MAPKAPK3: variants seen among roughly 807,000 people sequenced by gnomAD.
MAPKAPK3 encodes MAPK activated protein kinase 3.
MAPKAPK3 carries 35 observed loss-of-function variants against 49.2 expected under a neutral mutation model. The ratio of observed to expected loss-of-function variants is 0.71; its 90% CI spans 0.54 to 0.94. The LOEUF is 0.94. MAPKAPK3 is among the 40% of genes least tolerant of loss of function. The pLI, the probability that MAPKAPK3 is intolerant of heterozygous loss-of-function variation, is 0.00. For missense variants in MAPKAPK3, 398 were observed against 493.1 expected (o/e 0.81, Z 1.83); for synonymous variants, 178 against 188.7 (o/e 0.94, Z 0.46).
chr3:50,624,863 C>T (rs539839356), intron 2 of MAPKAPK3, among the ~76,000 whole-genome samples: 5 of 152,278 alleles, frequency 3.3e-5, no homozygotes, highest in Admixed American at 2.0e-4. Context: ...GTGCACAAAG[C>T]GCTTCCTGGA....
chr3:50,646,172 C>T lies in MAPKAPK3; in HGVS notation c.737C>T (p.Thr246Met), dbSNP rs746597729. 8.1e-6 allele frequency: 13 copies of T among 1,614,032 alleles called. No homozygotes were observed. Among genetic ancestry groups the T allele is most frequent in the South Asian group, 2.2e-5 (2 of 91,082 alleles). ...LCGFPPFYSNTGQAISPGMKR... is the reference protein window; with the variant it reads ...LCGFPPFYSNMGQAISPGMKR... ...GGCTTCCCACCCTTCTACTCCAACA[C>T]GGGCCAGGCCATCTCCCCGGGGATG... is the stretch of plus-strand genomic sequence containing the variant. Residue 246 changes from threonine to methionine, a missense_variant, in exon 8 of 11, where the codon ACG becomes ATG. Thr to Met is a moderately conservative substitution (Grantham distance 81, BLOSUM62 -1). Around this residue, in one of 5 missense-constraint regions of MAPKAPK3, gnomAD observed 152 missense variants for 177.3 expected, o/e 0.86. Transcript: ENST00000621469.
chr3:50,641,678 C>G, intron 3 of MAPKAPK3, 29 bp from the exon 4 acceptor site: 1 of 1,598,446 alleles, frequency 6.3e-7, no homozygotes, highest in South Asian at 1.1e-5. Context: ...CAGTTTCCCC[C>G]TCTCTGCTTA....
chr3:50,640,224 C>T (rs756509834), intron 2 of MAPKAPK3, 142 bp from the exon 3 acceptor site: 21 of 829,132 alleles, frequency 2.5e-5, no homozygotes, highest in Non-Finnish European at 3.5e-5. Context: ...GTCAGAGAAA[C>T]CTAGATTCAA....
chr3:50,612,274 G>C (rs2032354386), upstream of MAPKAPK3: 1 of 152,346 alleles, frequency 6.6e-6, no homozygotes, highest in Non-Finnish European at 1.5e-5. Flanking sequence ...TGGCAGGGCG[G>C]GGGGCGGAGT....
intron 5 of MAPKAPK3, among the ~76,000 whole-genome samples, chr3:50,642,931 A>G (rs560598872): frequency 6.6e-6 from 1 of 152,250 alleles, no homozygotes. Flanking sequence ...GGCTCACTGC[A>G]GCTTCCGCCT....
intron 2 of MAPKAPK3, among the ~76,000 whole-genome samples, chr3:50,639,100 C>T (rs1472133539): frequency 6.6e-6 from 1 of 152,192 alleles, no homozygotes; most frequent in Admixed American, 6.5e-5. Flanking sequence ...AGCCACAGTC[C>T]AGGGCTGAGT....
chr3:50,626,082 C>CT (rs748224040), intron 2 of MAPKAPK3, among the ~76,000 whole-genome samples: 2 of 151,748 alleles, frequency 1.3e-5, no homozygotes, highest in African/African-American at 4.8e-5. Context: ...CCCCCGCCAC[C>CT]CCCCCATGGC....
intron 2 of MAPKAPK3, among the ~76,000 whole-genome samples, chr3:50,625,851 C>T (rs560662868): frequency 1.3e-5 from 2 of 152,228 alleles, no homozygotes; most frequent in African/African-American, 4.8e-5. Flanking sequence ...CAGAGCAGGG[C>T]CAGGTCAGGT....
At chr3:50,614,801 C>A (rs1312407355), upstream of MAPKAPK3, among the ~76,000 whole-genome samples, 1 of 152,092 alleles carries the variant, frequency 6.6e-6, no homozygotes. Context: ...CCGATGGACC[C>A]ATGTGGGGAA....
chr3:50,647,431 G>A (rs2033330201), intron 10 of MAPKAPK3, among the ~76,000 whole-genome samples: 1 of 152,200 alleles, frequency 6.6e-6, no homozygotes, highest in Non-Finnish European at 1.5e-5. Context: ...CGGGGCTTTG[G>A]TACCAAGCTT....
chr3:50,620,330 G>T (rs421689), intron 2 of MAPKAPK3, among the ~76,000 whole-genome samples: 1 of 152,102 alleles, frequency 6.6e-6, no homozygotes, highest in South Asian at 2.1e-4. Flanking sequence ...CCCTCTCCCC[G>T]CAGTTGCCCC....
intron 5 of MAPKAPK3, among the ~76,000 whole-genome samples, chr3:50,643,343 G>T (rs2033218562): frequency 6.6e-6 from 1 of 152,188 alleles, no homozygotes; most frequent in Admixed American, 6.5e-5. Flanking sequence ...GGAGGACTGG[G>T]TCTTAGAGGT....
chr3:50,630,225 A>C (rs931609032), intron 2 of MAPKAPK3, among the ~76,000 whole-genome samples: 1 of 151,520 alleles, frequency 6.6e-6, no homozygotes, highest in African/African-American at 2.4e-5. Context: ...AGATGTCATC[A>C]TCAAGCATCC....
At chr3:50,641,800 G>T in intron 4 of MAPKAPK3, 29 bp downstream of exon 4, 1 of 1,602,858 alleles carries the variant, frequency 6.2e-7, no homozygotes, top group Non-Finnish European at 8.5e-7. Flanking sequence ...ACCAGCAGGA[G>T]GATTCAGGGT....
chr3:50,627,137 T>C (rs1473096729), intron 2 of MAPKAPK3, among the ~76,000 whole-genome samples: 2 of 145,186 alleles, frequency 1.4e-5, no homozygotes, highest in African/African-American at 2.6e-5. Context: ...TGAGCTGAGA[T>C]TGCGCCATTG....
At chr3:50,627,197 A>G (rs1282375051) in intron 2 of MAPKAPK3, among the ~76,000 whole-genome samples, 2 of 151,790 alleles carry the variant, frequency 1.3e-5, no homozygotes, top group African/African-American at 2.4e-5. Context: ...AAAAAAAAAA[A>G]AAAAAAAAAT....
chr3:50,611,693 A>C (rs1575988499), upstream of MAPKAPK3: 1 of 1,459,062 alleles, frequency 6.9e-7, no homozygotes, highest in Non-Finnish European at 9.0e-7. Flanking sequence ...ACTCGGCTGG[A>C]CGGCGGCGGC....
At position 50,617,684 on chromosome 3, in the gene MAPKAPK3, C is replaced by T. The variant is rs746700451; in HGVS notation, c.119C>T (p.Thr40Ile). ...CGGGAGCCCAAGAAGTACGCAGTGA[C>T]CGACGACTACCAGTTGTCCAAGCAG... is the stretch of plus-strand genomic sequence containing the variant. ...GRREPKKYAV[T>I]DDYQLSKQVL... is the part of the protein sequence containing the mutation. The change falls in exon 2 of 11, where the codon ACC (threonine) becomes ATC (isoleucine). Residue 40 changes from threonine to isoleucine, a missense_variant. Physicochemically the swap from Thr to Ile is moderately conservative, Grantham distance 89. Around this residue, in one of 5 missense-constraint regions of MAPKAPK3, gnomAD observed 123 missense variants for 117.7 expected, o/e 1.04. Transcript: ENST00000621469. 27 of 1,613,236 alleles carry T rather than the reference C, an allele frequency of 1.7e-5. 1 individual carries two copies. Among genetic ancestry groups the T allele is most frequent in the Non-Finnish European group, 2.2e-5 (26 of 1,179,812 alleles).
At chr3:50,640,559 G>T in intron 3 of MAPKAPK3, 54 bp downstream of exon 3, 12 of 1,548,174 alleles carry the variant, frequency 7.8e-6, no homozygotes, top group Non-Finnish European at 1.1e-5. Context: ...TGGCCCTCAG[G>T]CTCCCTGCCA....
Sources: allele counts gnomAD v4.1 joint callset (sites outside exome capture counted in the v4.1 genomes callset), GRCh38; gene constraint gnomAD v4.1.1; regional missense constraint gnomAD v4.1.1; transcripts MANE v1.5; gene names NCBI Gene and HGNC (gene_info 2026-07-23, HGNC 2026-07-21).